The following DAB1 variants were observed in gnomAD, a reference collection of about 807,000 sequenced individuals.
DAB1 encodes DAB adaptor protein 1, also known as disabled homolog 1.
DAB1 carries 15 observed loss-of-function variants against 64.6 expected under a neutral mutation model. The ratio of observed to expected loss-of-function variants is 0.23; its 90% CI spans 0.16 to 0.36. The LOEUF (loss-of-function observed/expected upper bound fraction) is 0.36, where lower values mean the gene tolerates loss of function less well. DAB1 is among the 10% of genes least tolerant of loss of function. DAB1 has a pLI of 1.00. For missense variants in DAB1, 596 were observed against 706.7 expected, an observed-to-expected ratio of 0.84 and a Z score of 1.78; for synonymous variants, 235 against 251.9, an observed-to-expected ratio of 0.93 and a Z score of 0.64.
At chr1:57,623,733 C>T (rs765986898) in intron 7 of DAB1, among the ~76,000 whole-genome samples, 5 of 152,146 alleles carry the variant, frequency 3.3e-5, no homozygotes, top group South Asian at 2.1e-4. Context: ...AGAATTTGAA[C>T]GTCCCTAGGC....
At position 58,206,659 on chromosome 1, in the gene DAB1, A is replaced by G. The variant is rs1031524890; in HGVS notation, n.310-56071T>C. ...AGATCTTGCTGTTTTTAGAGTAGTGAATAACACACTTCCAGATATAGAGTA... is the reference window on the plus strand; with the variant it reads ...AGATCTTGCTGTTTTTAGAGTAGTGGATAACACACTTCCAGATATAGAGTA... On this transcript the variant is annotated intron_variant and non_coding_transcript_variant, in intron 4 of 20. Transcript: ENST00000485760. 4.9e-4 allele frequency among the ~76,000 whole-genome samples: 74 copies of G among 152,320 alleles called. 1 individual carries two copies. Among genetic ancestry groups the G allele is most frequent in the African/African-American group, 1.8e-3 (73 of 41,584 alleles).
At chr1:57,853,557 C>T (rs6695286) in intron 1 of DAB1, among the ~76,000 whole-genome samples, 2,678 of 150,554 alleles carry the variant, frequency 0.018, 93 homozygotes, top group African/African-American at 0.062. Flanking sequence ...GACCCAGAAT[C>T]GATGCTCAAC....
chr1:57,809,269 T>C (rs1480738707), intron 6 of DAB1, among the ~76,000 whole-genome samples: 1 of 152,214 alleles, frequency 6.6e-6, no homozygotes, highest in East Asian at 1.9e-4. Flanking sequence ...TTGTTCATTA[T>C]AGCTTTCCTA....
chr1:57,484,840 G>A (rs1453086922), intron 7 of DAB1, among the ~76,000 whole-genome samples: 1 of 152,192 alleles, frequency 6.6e-6, no homozygotes, highest in African/African-American at 2.4e-5. Context: ...GGTTCTAGAA[G>A]TTGATGTCAC....
rs74072760 is a variant in DAB1, at chr1:57,794,273, A to G, written n.551+89726T>C. Among the ~76,000 whole-genome samples the G allele has an allele frequency of 0.02, 3,034 of 152,212 alleles. 149 individuals are homozygous for G. In the East Asian group the frequency reaches 0.21, roughly 10 times the overall value. ...GAACAGCCTAGGAAAATAGTAAACA[A>G]ATTCTTGTCACCAACAGGGTAAAGT... is the stretch of plus-strand genomic sequence containing the variant. On this transcript the variant is annotated intron_variant and non_coding_transcript_variant, in intron 6 of 20. Coordinates refer to the DAB1 transcript ENST00000485760.
intron 1 of DAB1, among the ~76,000 whole-genome samples, chr1:57,830,809 G>A (rs1162397848): frequency 2.0e-5 from 3 of 152,172 alleles, no homozygotes; most frequent in African/African-American, 7.2e-5. Context: ...GTTGCTAGAT[G>A]GAGAGTGCAT....
At chr1:57,420,342 A>T (rs1029797703) in intron 1 of DAB1, among the ~76,000 whole-genome samples, 3 of 152,206 alleles carry the variant, frequency 2.0e-5, no homozygotes, top group African/African-American at 7.2e-5. Flanking sequence ...TCCATCCCTT[A>T]CTTGCTATGT....
intron 7 of DAB1, among the ~76,000 whole-genome samples, chr1:57,569,513 C>A (rs151036545): frequency 1.3e-5 from 2 of 151,876 alleles, no homozygotes; most frequent in African/African-American, 4.8e-5. Context: ...AACCAAACAC[C>A]GCATGTTCTC....
intron 7 of DAB1, among the ~76,000 whole-genome samples, chr1:57,595,096 A>C (rs1253378797): frequency 6.6e-6 from 1 of 152,030 alleles, no homozygotes; most frequent in African/African-American, 2.4e-5. Flanking sequence ...ATTTCTACCC[A>C]CTTCCATTAA....
At chr1:58,175,102 T>C (rs967852241) in intron 4 of DAB1, among the ~76,000 whole-genome samples, 1 of 152,244 alleles carries the variant, frequency 6.6e-6, no homozygotes, top group Non-Finnish European at 1.5e-5. Flanking sequence ...TCTTTCACTC[T>C]TCACAATAAA....
At chr1:58,460,841 G>T (rs1413699019) in intron 3 of DAB1, among the ~76,000 whole-genome samples, 1 of 152,142 alleles carries the variant, frequency 6.6e-6, no homozygotes, top group African/African-American at 2.4e-5. Context: ...GAAAATGAAT[G>T]CTCAGTATTT....
At chr1:58,186,802 CCTCT>C (rs1397678294) in intron 4 of DAB1, among the ~76,000 whole-genome samples, 1 of 152,190 alleles carries the variant, frequency 6.6e-6, no homozygotes, top group Non-Finnish European at 1.5e-5. Flanking sequence ...CAAGTTTCCT[CCTCT>C]CTATGTCTTT....
At chr1:58,331,276 T>G (rs1487570797) in intron 4 of DAB1, among the ~76,000 whole-genome samples, 2 of 152,242 alleles carry the variant, frequency 1.3e-5, no homozygotes, top group African/African-American at 2.4e-5. Flanking sequence ...GACTGAATTG[T>G]TGCAATCTCA....
At chr1:57,162,407 G>A (rs1378613064) in intron 2 of DAB1, among the ~76,000 whole-genome samples, 1 of 152,232 alleles carries the variant, frequency 6.6e-6, no homozygotes, top group South Asian at 2.1e-4. Context: ...TTTACTCAGT[G>A]AGTCTGAGGT....
At position 56,996,319 on chromosome 1, in the gene DAB1, TTTC is replaced by T. The variant is rs1226897265; in HGVS notation, c.*1822_*1824del. 2 of 152,178 alleles carry T rather than the reference TTTC, an allele frequency of 1.3e-5. No individual in the cohort carries two copies. The highest frequency in any genetic ancestry group is 4.8e-5 in the African/African-American group (2 of 41,440). The allele number at this position is 152,178 out of a possible 1,614,324, so 9.4% of individuals were successfully genotyped here. A position where few individuals can be genotyped will look rare whatever the true frequency, so the allele number is the denominator to read the frequency against. On this transcript the variant is annotated 3_prime_UTR_variant, in exon 15 of 15. Coordinates refer to ENST00000371236, the MANE Select transcript of DAB1 (RefSeq NM_001365792.1). Reference sequence around the variant, plus strand: ...AATTAATCACATGAATCTTTAAAGTTTTCTTCTTAGTGTTAAAACACTTTCAAC... The same window carrying T: ...AATTAATCACATGAATCTTTAAAGTTTTCTTAGTGTTAAAACACTTTCAAC...
chr1:57,325,756 GAAGTTTAAA>G (rs1311047278), intron 1 of DAB1, among the ~76,000 whole-genome samples: 1 of 152,160 alleles, frequency 6.6e-6, no homozygotes, highest in Non-Finnish European at 1.5e-5. Context: ...CAAACTCCAT[GAAGTTTAAA>G]ATGTTTTTGG....
intron 6 of DAB1, among the ~76,000 whole-genome samples, chr1:57,740,879 G>A (rs781274750): frequency 8.5e-5 from 13 of 152,196 alleles, no homozygotes; most frequent in Non-Finnish European, 1.3e-4. Flanking sequence ...AAATTAAATG[G>A]TGGAGAAAAT....
At chr1:57,249,353 T>G in intron 2 of DAB1, among the ~76,000 whole-genome samples, 1 of 152,158 alleles carries the variant, frequency 6.6e-6, no homozygotes, top group East Asian at 1.9e-4. Flanking sequence ...CAATCATTTT[T>G]GTTTGTTTTT....
intron 4 of DAB1, among the ~76,000 whole-genome samples, chr1:57,085,701 C>G (rs1653001502): frequency 1.3e-5 from 2 of 152,330 alleles, no homozygotes; most frequent in Middle Eastern, 3.4e-3. Flanking sequence ...TCTGCTGCCT[C>G]TACGAGACAC....
Sources: gnomAD v4.1 joint callset for allele counts (sites outside exome capture counted in the v4.1 genomes callset) on GRCh38, gnomAD v4.1.1 for gene constraint, MANE v1.5 for transcripts, NCBI Gene and HGNC (gene_info 2026-07-23, HGNC 2026-07-21) for gene names.